The following TMTC2 variants were observed in gnomAD, a reference collection of about 807,000 sequenced individuals.
TMTC2 encodes the protein protein O-mannosyl-transferase TMTC2.
In TMTC2, 43 loss-of-function variants were observed where a neutral mutation model predicts 82.4. That is an observed-to-expected ratio of 0.52 (90% CI 0.41 to 0.67). The LOEUF (loss-of-function observed/expected upper bound fraction) is 0.67, where lower values mean the gene tolerates loss of function less well. TMTC2 is among the 30% of genes least tolerant of loss of function. TMTC2 has a pLI of 0.00. For missense variants in TMTC2, 919 were observed against 1,012.4 expected, an observed-to-expected ratio of 0.91 and a Z score of 1.25; for synonymous variants, 408 against 381.9, an observed-to-expected ratio of 1.07 and a Z score of -0.80.
At chr12:82,701,724 G>T (rs1592857988) in intron 1 of TMTC2, among the ~76,000 whole-genome samples, 1 of 147,256 alleles carries the variant, frequency 6.8e-6, no homozygotes. Context: ...TCGTGCCATT[G>T]TGCTCTACCC....
intron 3 of TMTC2, among the ~76,000 whole-genome samples, chr12:82,902,216 T>C (rs958227698): frequency 5.9e-4 from 90 of 151,608 alleles, no homozygotes; most frequent in African/African-American, 2.0e-3. Context: ...GATGACACTC[T>C]GTTGGGGTCC....
intron 11 of TMTC2, among the ~76,000 whole-genome samples, chr12:83,113,327 AT>A (rs1884655558): frequency 1.3e-5 from 2 of 152,242 alleles, no homozygotes; most frequent in South Asian, 2.1e-4. Context: ...AGAAAATGTC[AT>A]TGAGCTGGTC....
intron 1 of TMTC2, among the ~76,000 whole-genome samples, chr12:82,752,122 A>G (rs538282786): frequency 7.2e-6 from 1 of 139,716 alleles, no homozygotes; most frequent in African/African-American, 2.6e-5. Context: ...ACTGTCAACT[A>G]TGTTTTTATA....
At chr12:82,971,103 T>C (rs1436163180) in intron 7 of TMTC2, among the ~76,000 whole-genome samples, 2 of 152,138 alleles carry the variant, frequency 1.3e-5, no homozygotes, top group African/African-American at 4.8e-5. Context: ...GGAAGACTCA[T>C]ATCTTAAAAA....
intron 10 of TMTC2, among the ~76,000 whole-genome samples, chr12:83,052,580 T>C (rs1453170898): frequency 6.6e-6 from 1 of 152,152 alleles, no homozygotes; most frequent in Admixed American, 6.6e-5. Flanking sequence ...ATAAACAATT[T>C]GCAAGAATGG....
chr12:82,727,718 CAA>C (rs770172730), intron 1 of TMTC2, among the ~76,000 whole-genome samples: 2 of 136,268 alleles, frequency 1.5e-5, no homozygotes, highest in Non-Finnish European at 1.6e-5. Flanking sequence ...GAGAGTGTCT[CAA>C]AAAAAAAAAA....
intron 11 of TMTC2, among the ~76,000 whole-genome samples, chr12:83,097,585 C>T (rs937500539): frequency 5.9e-5 from 9 of 152,272 alleles, no homozygotes; most frequent in Middle Eastern, 6.8e-3. Context: ...AAAGTAAGTA[C>T]AGTCCCTTCT....
intron 1 of TMTC2, among the ~76,000 whole-genome samples, chr12:82,707,265 T>C (rs1356392537): frequency 6.6e-6 from 1 of 152,204 alleles, no homozygotes; most frequent in Non-Finnish European, 1.5e-5. Flanking sequence ...GGGAATTCTC[T>C]GGGGCCTGTT....
At chr12:82,826,726 T>C (rs566310300) in intron 1 of TMTC2, among the ~76,000 whole-genome samples, 97 of 152,332 alleles carry the variant, frequency 6.4e-4, no homozygotes, top group Non-Finnish European at 8.7e-4. Flanking sequence ...CCTGATGAGC[T>C]ATTTGAAATT....
chr12:82,974,969 C>T (rs1460032792), intron 7 of TMTC2, among the ~76,000 whole-genome samples: 6 of 151,992 alleles, frequency 3.9e-5, no homozygotes, highest in Non-Finnish European at 7.4e-5. Context: ...AGATTTTATG[C>T]CCTGCTGTGG....
chr12:82,721,229 G>C (rs77004514), intron 1 of TMTC2, among the ~76,000 whole-genome samples: 15,426 of 152,116 alleles, frequency 0.1, 916 homozygotes, highest in East Asian at 0.24. Flanking sequence ...GTATTTACTT[G>C]CATGTTGCCC....
At position 82,762,134 on chromosome 12, in the gene TMTC2, T is replaced by A. The variant is rs944921451; in HGVS notation, c.83+74465T>A. Among the ~76,000 whole-genome samples, 3 of 151,918 alleles carry A rather than the reference T, an allele frequency of 2.0e-5. No homozygotes were observed. In the South Asian group the frequency reaches 6.2e-4, roughly 32 times the overall value. The stretch of plus-strand genomic sequence containing the variant: ...GGCACATGCCACCAAGCAAGGCTAA[T>A]TTTTGTATTTTTTTAGTAGAGATGG... On this transcript the variant is annotated intron_variant, in intron 1 of 11. Coordinates refer to ENST00000321196, the MANE Select transcript of TMTC2 (RefSeq NM_152588.3).
intron 1 of TMTC2, among the ~76,000 whole-genome samples, chr12:82,740,316 G>A (rs769258326): frequency 7.9e-5 from 12 of 152,202 alleles, no homozygotes; most frequent in Non-Finnish European, 1.3e-4. Context: ...CTACTATGTA[G>A]CAGGCATTGT....
At chr12:83,073,497 G>C (rs1264305296) in intron 11 of TMTC2, among the ~76,000 whole-genome samples, 1 of 152,102 alleles carries the variant, frequency 6.6e-6, no homozygotes, top group East Asian at 1.9e-4. Flanking sequence ...GGTGTTCTTT[G>C]TGTTTCTTGT....
At chr12:82,797,847 C>T (rs1162848354) in intron 1 of TMTC2, among the ~76,000 whole-genome samples, 1 of 151,690 alleles carries the variant, frequency 6.6e-6, no homozygotes, top group Non-Finnish European at 1.5e-5. Flanking sequence ...CTTATAATTC[C>T]TAGGTACCAT....
At chr12:82,857,981 T>C (rs1306446527) in intron 2 of TMTC2, among the ~76,000 whole-genome samples, 1 of 152,240 alleles carries the variant, frequency 6.6e-6, no homozygotes, top group East Asian at 1.9e-4. Context: ...GGGGAAATCC[T>C]CTGCCATTTG....
At chr12:82,923,573 A>G (rs1875518064) in intron 3 of TMTC2, among the ~76,000 whole-genome samples, 1 of 152,066 alleles carries the variant, frequency 6.6e-6, no homozygotes, top group Non-Finnish European at 1.5e-5. Flanking sequence ...TTCCACAGAT[A>G]TATTCTTCTA....
intron 11 of TMTC2, among the ~76,000 whole-genome samples, chr12:83,130,650 T>G (rs1243830909): frequency 6.6e-6 from 1 of 152,312 alleles, no homozygotes; most frequent in Non-Finnish European, 1.5e-5. Flanking sequence ...TTTTAAAGAC[T>G]GCCCAACAAC....
At chr12:82,741,310 G>A (rs181670115) in intron 1 of TMTC2, among the ~76,000 whole-genome samples, 205 of 152,060 alleles carry the variant, frequency 1.3e-3, no homozygotes, top group Non-Finnish European at 2.1e-3. Flanking sequence ...AGAAAAAGTC[G>A]GAGCTTTTTA....
Sources: gnomAD v4.1 joint callset for allele counts (sites outside exome capture counted in the v4.1 genomes callset) on GRCh38, gnomAD v4.1.1 for gene constraint, MANE v1.5 for transcripts, NCBI Gene and HGNC (gene_info 2026-07-23, HGNC 2026-07-21) for gene names.